Variants in NCALD observed in about 807,000 individuals in gnomAD.
NCALD encodes neurocalcin-delta.
In NCALD, 10 loss-of-function variants were observed where a neutral mutation model predicts 18.6. The ratio of observed to expected loss-of-function variants is 0.54; its 90% CI spans 0.33 to 0.91. NCALD has a LOEUF of 0.91. NCALD is among the 40% of genes least tolerant of loss of function. The pLI, the probability that NCALD is intolerant of heterozygous loss-of-function variation, is 0.03. For synonymous variants in NCALD, 88 were observed against 87.4 expected, an observed-to-expected ratio of 1.01 and a Z score of -0.04; for missense variants, 184 against 247.6, an observed-to-expected ratio of 0.74 and a Z score of 1.72.
chr8:102,070,522 T>G (rs1824148460), intron 1 of NCALD, among the ~76,000 whole-genome samples: 1 of 152,190 alleles, frequency 6.6e-6, no homozygotes, highest in East Asian at 1.9e-4. Flanking sequence ...CAGACAGCAA[T>G]CCCTGTGGCC....
intron 2 of NCALD, among the ~76,000 whole-genome samples, chr8:102,014,411 A>C (rs550125860): frequency 6.6e-6 from 1 of 152,254 alleles, no homozygotes; most frequent in Non-Finnish European, 1.5e-5. Flanking sequence ...TCTCCCTCTT[A>C]AAACCATCTC....
chr8:101,733,922 T>A (rs1243779379), intron 1 of NCALD, among the ~76,000 whole-genome samples: 1 of 152,188 alleles, frequency 6.6e-6, no homozygotes, highest in East Asian at 1.9e-4. Flanking sequence ...GAAGGCTGCT[T>A]TTTGTTTTGT....
At chr8:102,016,023 A>G (rs1325833698) in intron 2 of NCALD, among the ~76,000 whole-genome samples, 1 of 152,172 alleles carries the variant, frequency 6.6e-6, no homozygotes, top group African/African-American at 2.4e-5. Context: ...CCCAAACTTC[A>G]TTTCATATTA....
intron 2 of NCALD, among the ~76,000 whole-genome samples, chr8:101,969,368 C>T (rs969076142): frequency 6.6e-6 from 1 of 152,154 alleles, no homozygotes; most frequent in Non-Finnish European, 1.5e-5. Flanking sequence ...TTCAAGATTC[C>T]ATTCTCCTGT....
intron 3 of NCALD, among the ~76,000 whole-genome samples, chr8:101,891,595 G>C (rs564313295): frequency 6.6e-6 from 1 of 152,336 alleles, no homozygotes; most frequent in East Asian, 1.9e-4. Context: ...ATTTCCATCT[G>C]AGGTATCGGG....
At chr8:102,090,599 T>G (rs1165618930) in intron 1 of NCALD, among the ~76,000 whole-genome samples, 1 of 152,230 alleles carries the variant, frequency 6.6e-6, no homozygotes, top group Non-Finnish European at 1.5e-5. Flanking sequence ...TTTACTTTTT[T>G]GCTTAAAACG....
chr8:101,878,424 A>G (rs1031587624), intron 4 of NCALD, among the ~76,000 whole-genome samples: 2 of 152,368 alleles, frequency 1.3e-5, no homozygotes, highest in Admixed American at 1.3e-4. Flanking sequence ...CCTGAGCTGC[A>G]TAATAGAAAG....
chr8:101,829,377 C>G (rs1271865026), intron 4 of NCALD, among the ~76,000 whole-genome samples: 1 of 152,146 alleles, frequency 6.6e-6, no homozygotes, highest in African/African-American at 2.4e-5. Context: ...CACTACCCAT[C>G]TCATTATACA....
chr8:101,731,111 T>C (rs1403055699), intron 1 of NCALD, among the ~76,000 whole-genome samples: 1 of 151,944 alleles, frequency 6.6e-6, no homozygotes, highest in Non-Finnish European at 1.5e-5. Context: ...GAGGTAAGTG[T>C]GAGAAGACTC....
intron 1 of NCALD, among the ~76,000 whole-genome samples, chr8:101,771,324 T>C (rs968287259): frequency 6.6e-6 from 1 of 152,170 alleles, no homozygotes; most frequent in African/African-American, 2.4e-5. Flanking sequence ...TCCCACAAAA[T>C]GCATCATTCC....
chr8:101,804,321 T>A (rs969065672), intron 4 of NCALD, among the ~76,000 whole-genome samples: 8 of 78,474 alleles, frequency 1.0e-4, no homozygotes, highest in Non-Finnish European at 1.4e-4. Context: ...AATTATATAT[T>A]ATATATAATT....
At chr8:101,992,873 A>C (rs1037984840) in intron 2 of NCALD, among the ~76,000 whole-genome samples, 1 of 151,542 alleles carries the variant, frequency 6.6e-6, no homozygotes, top group African/African-American at 2.4e-5. Context: ...GTGCTGAGTG[A>C]TTTTCCAGGA....
chr8:101,785,584 G>T (rs759875362), intron 1 of NCALD, among the ~76,000 whole-genome samples: 1 of 152,146 alleles, frequency 6.6e-6, no homozygotes. Context: ...AACAGTGTTG[G>T]ATTATGCCAT....
intron 2 of NCALD, among the ~76,000 whole-genome samples, chr8:101,711,605 C>T (rs986768401): frequency 3.2e-4 from 49 of 151,722 alleles, no homozygotes; most frequent in South Asian, 2.5e-3. Context: ...AAAGACAGCA[C>T]GAGAACTTTG....
chr8:102,012,122 T>C (rs887534620), intron 2 of NCALD, among the ~76,000 whole-genome samples: 12 of 150,184 alleles, frequency 8.0e-5, no homozygotes, highest in Non-Finnish European at 1.8e-4. Context: ...GAATGCAGAA[T>C]GCTCTTCCCT....
Position 101,689,367 on chromosome 8 carries a change from CT to C in NCALD, c.523del (p.Ser175AlafsTer36). On this transcript the variant is annotated frameshift_variant, in exon 4 of 4. Coordinates refer to ENST00000220931, the MANE Select transcript of NCALD (RefSeq NM_032041.3). LOFTEE classifies it high-confidence loss of function. The surrounding 1 kb of genome is among the most constrained non-coding windows in gnomAD (Gnocchi z 4.4). ...SLEEFIRGAK[S>X]DPSIVRLLQC... The stretch of plus-strand genomic sequence containing the variant: ...CAGGAGGCGCACAATGGACGGGTCG[CT>C]TTTGGCTCCTCGGATGAACTCTTCC... The C allele has an allele frequency of 6.2e-7, 1 of 1,612,662 alleles. No homozygotes were observed. The highest frequency in any genetic ancestry group is 1.7e-5 in the Admixed American group (1 of 59,900).
At chr8:101,834,893 C>A (rs1814344483) in intron 4 of NCALD, among the ~76,000 whole-genome samples, 1 of 152,204 alleles carries the variant, frequency 6.6e-6, no homozygotes, top group Non-Finnish European at 1.5e-5. Context: ...AGGTAAGTGG[C>A]TTCAGGGTAG....
chr8:101,811,026 C>A (rs565863057), intron 4 of NCALD, among the ~76,000 whole-genome samples: 10 of 152,230 alleles, frequency 6.6e-5, no homozygotes, highest in African/African-American at 2.2e-4. Flanking sequence ...AAGCAGCCAT[C>A]AATATTGTTC....
intron 4 of NCALD, among the ~76,000 whole-genome samples, chr8:101,867,302 T>C (rs906041140): frequency 6.6e-6 from 1 of 152,216 alleles, no homozygotes; most frequent in African/African-American, 2.4e-5. Flanking sequence ...AAATACTACA[T>C]ATTTTACTTG....
Sources: gnomAD v4.1 joint callset for allele counts (sites outside exome capture counted in the v4.1 genomes callset) on GRCh38, gnomAD v4.1.1 for gene constraint, Gnocchi (gnomAD v3.1) non-coding constraint, MANE v1.5 for transcripts, NCBI Gene and HGNC (gene_info 2026-07-23, HGNC 2026-07-21) for gene names.